GALNT11: variants seen among roughly 807,000 people sequenced by gnomAD.
The protein encoded by GALNT11 is polypeptide N-acetylgalactosaminyltransferase 11, also known as UDP-GalNAc:polypeptide N-acetylgalactosaminyltransferase 11.
In GALNT11, 47 loss-of-function variants were observed where a neutral mutation model predicts 72.7. The ratio of observed to expected loss-of-function variants is 0.65; its 90% confidence interval spans 0.51 to 0.82. GALNT11 has a LOEUF of 0.82. Ranked by LOEUF, GALNT11 falls within the 40% of genes least tolerant of loss-of-function variation. The pLI is 0.00. For missense variants in GALNT11, 677 were observed against 778.4 expected, an observed-to-expected ratio of 0.87 and a Z score of 1.55; for synonymous variants, 270 against 286.6, an observed-to-expected ratio of 0.94 and a Z score of 0.58.
intron 1 of GALNT11, among the ~76,000 whole-genome samples, chr7:152,069,997 C>CTTTTTTTTTTTTTTTTTTTTTTTTT (rs879494057): frequency 1.4e-5 from 2 of 143,438 alleles, no homozygotes; most frequent in Admixed American, 6.8e-5. Context: ...TTTTCTTTTT[C>CTTTTTTTTTTTTTTTTTTTTTTTTT]TTTTTCTTTT....
intron 7 of GALNT11, 132 bp from the exon 8 acceptor site, chr7:152,113,114 A>G (rs2088422841): frequency 1.1e-6 from 1 of 878,034 alleles, no homozygotes; most frequent in Non-Finnish European, 1.7e-6. Flanking sequence ...GAATATTTGT[A>G]TCTAATAAGA....
intron 1 of GALNT11, among the ~76,000 whole-genome samples, chr7:152,058,453 C>T (rs1214852903): frequency 6.6e-6 from 1 of 152,162 alleles, no homozygotes; most frequent in Non-Finnish European, 1.5e-5. Context: ...CCTGCCTCAG[C>T]CTCCCGAGTA....
intron 1 of GALNT11, among the ~76,000 whole-genome samples, chr7:152,091,616 G>A (rs1196209237): frequency 1.3e-5 from 2 of 152,168 alleles, no homozygotes. Context: ...AACCTCAGGT[G>A]ATCTGCCCAC....
chr7:152,100,424 G>A (rs138359165), intron 2 of GALNT11, among the ~76,000 whole-genome samples: 65 of 152,110 alleles, frequency 4.3e-4, no homozygotes, highest in Non-Finnish European at 6.3e-4. Flanking sequence ...AAATTAGCTG[G>A]GCGTGGTGGC....
At chr7:152,114,133 T>C (rs1476649426) in intron 8 of GALNT11, among the ~76,000 whole-genome samples, 1 of 152,094 alleles carries the variant, frequency 6.6e-6, no homozygotes, top group Non-Finnish European at 1.5e-5. Flanking sequence ...AGAGGGCACA[T>C]TTAGAATTAC....
chr7:152,067,820 G>A (rs1320727395), intron 1 of GALNT11, among the ~76,000 whole-genome samples: 3 of 152,112 alleles, frequency 2.0e-5, no homozygotes, highest in South Asian at 2.1e-4. Flanking sequence ...ATTGGCTCAG[G>A]GTTCTGCAGG....
At chr7:152,036,598 A>G (rs145651143) in intron 1 of GALNT11, among the ~76,000 whole-genome samples, 20 of 152,292 alleles carry the variant, frequency 1.3e-4, no homozygotes, top group African/African-American at 4.6e-4. Flanking sequence ...TCTTTTGGGT[A>G]TATACTATGA....
chr7:152,095,932 A>G (rs928986910), intron 2 of GALNT11, among the ~76,000 whole-genome samples: 7 of 152,230 alleles, frequency 4.6e-5, no homozygotes, highest in Admixed American at 1.3e-4. Flanking sequence ...AGTTGCAGGT[A>G]CTAGATCAAC....
At chr7:152,111,613 ACT>A in intron 7 of GALNT11, among the ~76,000 whole-genome samples, 1 of 145,926 alleles carries the variant, frequency 6.9e-6, no homozygotes, top group Admixed American at 6.7e-5. Flanking sequence ...CTGTTATTCC[ACT>A]CTGTGTGTGT....
rs771846464 is a variant in GALNT11 at position 152,105,382 on chromosome 7, C to G, written c.712+12C>G. 9.9e-6 allele frequency: 16 copies of G among 1,610,170 alleles called. No individual in the cohort carries two copies. Among genetic ancestry groups the G allele is most frequent in the African/African-American group, 1.3e-5 (1 of 74,798 alleles). On this transcript the variant is annotated intron_variant, in intron 5 of 11. Transcript: ENST00000430044. The stretch of plus-strand genomic sequence containing the variant: ...GGCCCACGCGACAGGTATCACTTCT[C>G]GTTAGCTTTGCTCTACAGGTGTTGG...
chr7:152,089,015 T>C (rs2085831615), intron 1 of GALNT11, among the ~76,000 whole-genome samples: 1 of 152,196 alleles, frequency 6.6e-6, no homozygotes, highest in Non-Finnish European at 1.5e-5. Flanking sequence ...GACCATAGCA[T>C]TGCAGTCAAG....
At chr7:152,112,521 G>T (rs1182768713) in intron 7 of GALNT11, among the ~76,000 whole-genome samples, 1 of 151,352 alleles carries the variant, frequency 6.6e-6, no homozygotes, top group African/African-American at 2.4e-5. Flanking sequence ...GGGGGGACAA[G>T]AGCGAGACTG....
intron 1 of GALNT11, among the ~76,000 whole-genome samples, chr7:152,051,945 A>T (rs909878677): frequency 6.6e-6 from 1 of 152,192 alleles, no homozygotes. Context: ...TGTATAATTG[A>T]GTGGCATTAA....
At position 152,121,826 on chromosome 7, in the gene GALNT11, G is replaced by C; in HGVS notation, c.*149G>C. Reference sequence around the variant, plus strand: ...CTCCCGGAGATGCCTGGGTGTGTTAGCAGAGGTGACACGTGTCTGACAGAG... The same window carrying C: ...CTCCCGGAGATGCCTGGGTGTGTTACCAGAGGTGACACGTGTCTGACAGAG... On this transcript the variant is annotated 3_prime_UTR_variant, in exon 12 of 12. Coordinates refer to ENST00000430044, the MANE Select transcript of GALNT11 (RefSeq NM_022087.4). The C allele has an allele frequency of 1.0e-6, 1 of 976,764 alleles. No homozygotes were observed. Among genetic ancestry groups the C allele is most frequent in the Non-Finnish European group, 1.5e-6 (1 of 677,994 alleles). 60.5% of individuals were successfully genotyped at this position (976,764 alleles called of 1,614,324 possible).
At chr7:152,054,774 C>A (rs139817091) in intron 1 of GALNT11, among the ~76,000 whole-genome samples, 2 of 152,038 alleles carry the variant, frequency 1.3e-5, no homozygotes, top group Admixed American at 1.3e-4. Flanking sequence ...CCACCTCAGC[C>A]TCCCAAAGTG....
chr7:152,102,371 G>A (rs2087018561), intron 3 of GALNT11, among the ~76,000 whole-genome samples: 1 of 151,982 alleles, frequency 6.6e-6, no homozygotes, highest in Non-Finnish European at 1.5e-5. Context: ...GTGAAACTCT[G>A]TCTCTACTAA....
chr7:152,096,276 A>G (rs1221492138), intron 2 of GALNT11, among the ~76,000 whole-genome samples: 3 of 152,240 alleles, frequency 2.0e-5, no homozygotes, highest in Non-Finnish European at 4.4e-5. Flanking sequence ...AGGTTATCCT[A>G]AAATTAATAT....
At chr7:152,065,068 TC>T (rs1243736431) in intron 1 of GALNT11, among the ~76,000 whole-genome samples, 1 of 152,228 alleles carries the variant, frequency 6.6e-6, no homozygotes, top group Admixed American at 6.5e-5. Flanking sequence ...GGTTCCATTC[TC>T]CCCGTCACTT....
chr7:152,101,989 G>C (rs2086965080), intron 3 of GALNT11, among the ~76,000 whole-genome samples: 1 of 151,976 alleles, frequency 6.6e-6, no homozygotes, highest in East Asian at 1.9e-4. Context: ...CCAAATAGTT[G>C]CTTGGAATGA....
Sources: gnomAD v4.1 joint callset for allele counts (sites outside exome capture counted in the v4.1 genomes callset) on GRCh38, gnomAD v4.1.1 for gene constraint, MANE v1.5 for transcripts, NCBI Gene and HGNC (gene_info 2026-07-23, HGNC 2026-07-21) for gene names.